Variants in SLC13A3 observed in about 807,000 individuals in gnomAD.
The protein encoded by SLC13A3 is Na(+)/dicarboxylate cotransporter 3.
Under a neutral mutation model 59.0 loss-of-function variants are expected in SLC13A3, and 40 were observed. That is an observed-to-expected ratio of 0.68 (90% confidence interval 0.53 to 0.88). The LOEUF (loss-of-function observed/expected upper bound fraction) is 0.88, where lower values mean the gene tolerates loss of function less well. Ranked by LOEUF, SLC13A3 falls within the 40% of genes least tolerant of loss-of-function variation. The pLI, the probability that SLC13A3 is intolerant of heterozygous loss-of-function variation, is 0.00. For synonymous variants in SLC13A3, 317 were observed against 330.3 expected (o/e 0.96, Z 0.44); for missense variants, 699 against 783.2 (o/e 0.89, Z 1.28).
At position 46,613,648 on chromosome 20, in the gene SLC13A3, C is replaced by A; in HGVS notation, c.189G>T (p.Ala63=). The part of the protein sequence containing the change: ...CTEALPLSVT[A]LLPIVLFPFM... Reference sequence around the variant, plus strand: ...AGGGGAAGAGGACGATGGGCAGCAGCGCCGTCACTGAGAGCGGCAGGGCCT... The same window carrying A: ...AGGGGAAGAGGACGATGGGCAGCAGAGCCGTCACTGAGAGCGGCAGGGCCT... Residue 63 remains alanine, a synonymous_variant, in exon 2 of 13, where the codon GCG becomes GCT. Coordinates refer to ENST00000279027, the MANE Select transcript of SLC13A3 (RefSeq NM_022829.6). 1 of 1,612,008 alleles carries A rather than the reference C, an allele frequency of 6.2e-7. No individual in the cohort carries two copies. Among genetic ancestry groups the A allele is most frequent in the Non-Finnish European group, 8.5e-7 (1 of 1,179,106 alleles).
chr20:46,611,864 C>T (rs1308785934), intron 2 of SLC13A3, among the ~76,000 whole-genome samples: 1 of 152,132 alleles, frequency 6.6e-6, no homozygotes, highest in Non-Finnish European at 1.5e-5. Flanking sequence ...TGTCATTCCT[C>T]AGCTTAGAAC....
chr20:46,583,566 C>A lies in SLC13A3; in HGVS notation c.1219+6G>T. The A allele has an allele frequency of 6.2e-7, 1 of 1,613,782 alleles. No individual in the cohort carries two copies. On this transcript the variant is annotated splice_donor_region_variant and intron_variant, in intron 9 of 12. Transcript: ENST00000279027. ...CCCACCGAGACCCCAGCCTTGACCACCTTACCTTTGAAGTCAAACCACCAC... is the reference window on the plus strand; with the variant it reads ...CCCACCGAGACCCCAGCCTTGACCAACTTACCTTTGAAGTCAAACCACCAC...
At chr20:46,651,899 A>G (rs575967575), upstream of SLC13A3, among the ~76,000 whole-genome samples, 2 of 152,364 alleles carry the variant, frequency 1.3e-5, no homozygotes, top group African/African-American at 4.8e-5. Context: ...ATGGAATACT[A>G]TGCAGTCACA....
At chr20:46,632,431 G>C (rs1020196257) in intron 1 of SLC13A3, among the ~76,000 whole-genome samples, 1 of 149,988 alleles carries the variant, frequency 6.7e-6, no homozygotes, top group Non-Finnish European at 1.5e-5. Flanking sequence ...ACCATGGTGG[G>C]ACATTGCCTG....
At chr20:46,610,333 G>A in intron 3 of SLC13A3, 113 bp downstream of exon 3, 1 of 933,356 alleles carries the variant, frequency 1.1e-6, no homozygotes, top group Non-Finnish European at 1.6e-6. Flanking sequence ...CTGACGCATA[G>A]TAGGTGCTCA....
intron 10 of SLC13A3, among the ~76,000 whole-genome samples, chr20:46,567,099 T>C (rs202393): frequency 0.88 from 134,017 of 151,896 alleles, 59,427 homozygotes; most frequent in East Asian, 0.99. Flanking sequence ...GACTAAGGCA[T>C]GAGAATCGCT....
intron 5 of SLC13A3, among the ~76,000 whole-genome samples, chr20:46,595,526 C>T (rs189075033): frequency 3.3e-5 from 5 of 152,308 alleles, no homozygotes; most frequent in East Asian, 3.9e-4. Context: ...TGGGCCATGA[C>T]GGCCACAGAC....
At chr20:46,661,118 C>T (rs2063026955) in intron 1 of SLC13A3, among the ~76,000 whole-genome samples, 1 of 152,070 alleles carries the variant, frequency 6.6e-6, no homozygotes, top group Non-Finnish European at 1.5e-5. Context: ...GAATCTGCTT[C>T]TATTAATACT....
chr20:46,628,326 G>A (rs902192084), intron 1 of SLC13A3, among the ~76,000 whole-genome samples: 2 of 152,194 alleles, frequency 1.3e-5, no homozygotes, highest in Non-Finnish European at 2.9e-5. Flanking sequence ...CATTTTGGGA[G>A]GGAGAATCTT....
intron 1 of SLC13A3, among the ~76,000 whole-genome samples, chr20:46,679,827 G>C (rs1287084826): frequency 1.3e-5 from 2 of 151,692 alleles, no homozygotes; most frequent in African/African-American, 2.4e-5. Context: ...AGAATTGCTT[G>C]AACCTGGGAG....
intron 1 of SLC13A3, among the ~76,000 whole-genome samples, chr20:46,665,532 C>G (rs1474453671): frequency 6.6e-6 from 1 of 152,204 alleles, no homozygotes; most frequent in African/African-American, 2.4e-5. Context: ...TCTGACTTAA[C>G]ATAATGCTTT....
At chr20:46,567,837 T>TGGTG (rs1600495920) in intron 10 of SLC13A3, among the ~76,000 whole-genome samples, 1 of 152,106 alleles carries the variant, frequency 6.6e-6, no homozygotes, top group East Asian at 1.9e-4. Flanking sequence ...CAAAATATGC[T>TGGTG]CAATGCTGTC....
intron 3 of SLC13A3, 66 bp from the exon 4 acceptor site, chr20:46,600,103 T>C (rs1485535550): frequency 4.8e-6 from 6 of 1,258,946 alleles, no homozygotes; most frequent in Admixed American, 4.5e-5. Flanking sequence ...TCCCAAATCT[T>C]GTGAAGTCAG....
chr20:46,603,045 G>T (rs1413240247), intron 3 of SLC13A3, among the ~76,000 whole-genome samples: 1 of 152,012 alleles, frequency 6.6e-6, no homozygotes, highest in Non-Finnish European at 1.5e-5. Flanking sequence ...AGGCATGGTG[G>T]CGCATGCCTG....
intron 1 of SLC13A3, among the ~76,000 whole-genome samples, chr20:46,616,938 T>A (rs531626579): frequency 6.6e-6 from 1 of 152,328 alleles, no homozygotes; most frequent in Admixed American, 6.5e-5. Flanking sequence ...CCTCTCCTCT[T>A]GAGTCTTGGC....
At chr20:46,674,588 T>TGCGCGCGGGCGC (rs1555884979), upstream of SLC13A3, among the ~76,000 whole-genome samples, 1 of 136,756 alleles carries the variant, frequency 7.3e-6, no homozygotes, top group East Asian at 2.2e-4. Flanking sequence ...AGGTGGGGAG[T>TGCGCGCGGGCGC]GCGCGCGCGC....
rs180883658 is a variant in SLC13A3, at chr20:46,591,795, C to T, written c.920+609G>A. Among the ~76,000 whole-genome samples the T allele has an allele frequency of 4.6e-4, 70 of 152,224 alleles. 1 individual carries two copies. The highest frequency in any genetic ancestry group is 1.5e-3 in the African/African-American group (62 of 41,526). On this transcript the variant is annotated intron_variant, in intron 6 of 12. Coordinates refer to ENST00000279027, the MANE Select transcript of SLC13A3 (RefSeq NM_022829.6). ...CCTCTTCTCTGGTCAAGAGTGTTTACCTTATTTAAAGACAATACTATTAAT... is the reference window on the plus strand; with the variant it reads ...CCTCTTCTCTGGTCAAGAGTGTTTATCTTATTTAAAGACAATACTATTAAT...
chr20:46,586,807 C>A (rs1461875708), intron 8 of SLC13A3, among the ~76,000 whole-genome samples: 1 of 152,132 alleles, frequency 6.6e-6, no homozygotes, highest in Non-Finnish European at 1.5e-5. Context: ...CAGGGGTCAG[C>A]AAATGTCTCC....
chr20:46,594,395 G>A (rs557773448), intron 5 of SLC13A3, among the ~76,000 whole-genome samples: 5 of 152,018 alleles, frequency 3.3e-5, no homozygotes, highest in South Asian at 2.1e-4. Flanking sequence ...GCCTGTAAAC[G>A]CTTTGACAAC....
Sources: gnomAD v4.1 joint callset for allele counts (sites outside exome capture counted in the v4.1 genomes callset) on GRCh38, gnomAD v4.1.1 for gene constraint, MANE v1.5 for transcripts, NCBI Gene and HGNC (gene_info 2026-07-23, HGNC 2026-07-21) for gene names.